MUC12: variants seen among roughly 807,000 people sequenced by gnomAD.
The protein encoded by MUC12 is mucin-12.
MUC12 carries 172 observed loss-of-function variants against 230.8 expected under a neutral mutation model. The ratio of observed to expected loss-of-function variants is 0.75; its 90% CI spans 0.66 to 0.85. The LOEUF is 0.85. Among genes scored for constraint, MUC12 ranks in the 40% least tolerant of loss-of-function variants. MUC12 has a pLI of 0.00. For synonymous variants in MUC12, 1,259 were observed against 2,401.9 expected (o/e 0.52, Z 13.91); for missense variants, 3,506 against 5,920.6 (o/e 0.59, Z 13.38).
At chr7:100,973,117 G>A (rs1792944493) in intron 1 of MUC12, 1 of 674,338 alleles carries the variant, frequency 1.5e-6, no homozygotes, top group Non-Finnish European at 2.7e-6. Flanking sequence ...TCTGTGGGCT[G>A]AGTAGGGCTG....
intron 9 of MUC12, 177 bp from the exon 10 acceptor site, chr7:101,015,438 G>A: frequency 1.6e-6 from 1 of 610,096 alleles, no homozygotes; most frequent in East Asian, 2.8e-5. Flanking sequence ...GCCAGTGCTT[G>A]CCTTGGTAGA....
chr7:100,972,757 C>G, intron 1 of MUC12: 1 of 658,474 alleles, frequency 1.5e-6, no homozygotes, highest in Non-Finnish European at 2.8e-6. Flanking sequence ...CTGCTCAGCT[C>G]GAACTCCCAA....
chr7:101,004,401 A>G lies in MUC12; in HGVS notation c.13838A>G (p.Gln4613Arg), dbSNP rs878959263. 1 of 1,493,912 alleles carries G rather than the reference A, an allele frequency of 6.7e-7. No individual in the cohort carries two copies. The highest frequency in any genetic ancestry group is 1.6e-5 in the African/African-American group (1 of 61,440). The allele number at this position is 1,493,912 out of a possible 1,614,324, so 92.5% of individuals were successfully genotyped here. Residue 4613 changes from glutamine (Q) to arginine (R), a missense_variant, in exon 2 of 12, where the codon CAA becomes CGA. Gln to Arg is a conservative substitution (Grantham distance 43). Transcript: ENST00000536621. ...TAYHSSPGST[Q>R]TMHFPESSTA... ...TACCACAGCAGCCCGGGCTCAACTC[A>G]AACAATGCACTTCCCTGAAAGCTCC...
intron 2 of MUC12, among the ~76,000 whole-genome samples, chr7:101,005,954 T>C (rs1430293218): frequency 6.6e-6 from 1 of 152,058 alleles, no homozygotes. Context: ...CCCACCACCA[T>C]GCCTACCTAA....
At chr7:101,007,472 T>C (rs1297511814) in intron 3 of MUC12, among the ~76,000 whole-genome samples, 5 of 152,204 alleles carry the variant, frequency 3.3e-5, no homozygotes, top group Non-Finnish European at 5.9e-5. Context: ...ATTTGGACTT[T>C]TAGATTCCAC....
At chr7:100,973,957 A>G (rs1792966671) in intron 1 of MUC12, among the ~76,000 whole-genome samples, 1 of 152,020 alleles carries the variant, frequency 6.6e-6, no homozygotes, top group Non-Finnish European at 1.5e-5. Context: ...GTTCGAGACC[A>G]GCTCGGGCAA....
chr7:100,994,105 T>G lies in MUC12; in HGVS notation c.3542T>G (p.Val1181Gly). Residue 1181 changes from valine (V) to glycine (G), a missense_variant, in exon 2 of 12, where the codon GTT becomes GGT. By Grantham distance (109) the Val-to-Gly change is moderately radical. Coordinates refer to ENST00000536621, the MANE Select transcript of MUC12 (RefSeq NM_001164462.2). ...TTCCCTCACAGCACCACAACCTCAG[T>G]TCATGGTGAAGAGCCTACAACCTTC... is the stretch of plus-strand genomic sequence containing the variant. ...TVFPHSTTTS[V>G]HGEEPTTFHS... 9.7e-7 allele frequency: 1 copy of G among 1,027,448 alleles called. No individual in the cohort carries two copies. Among genetic ancestry groups the G allele is most frequent in the South Asian group, 1.7e-5 (1 of 60,234 alleles). The allele number at this position is 1,027,448 out of a possible 1,614,324, so 63.6% of individuals were successfully genotyped here.
chr7:100,980,348 A>C (rs1436651659), intron 1 of MUC12, among the ~76,000 whole-genome samples: 5 of 152,118 alleles, frequency 3.3e-5, no homozygotes, highest in Non-Finnish European at 4.4e-5. Context: ...AGCCTGAAGA[A>C]ATACCCCCTT....
chr7:100,978,009 C>T (rs1793058127), intron 1 of MUC12, among the ~76,000 whole-genome samples: 1 of 152,154 alleles, frequency 6.6e-6, no homozygotes, highest in Non-Finnish European at 1.5e-5. Flanking sequence ...AGATTTAGGG[C>T]CCATCCTAAA....
chr7:100,969,670 C>T lies in MUC12; in HGVS notation c.48C>T (p.Ser16=), dbSNP rs531717229. Residue 16 remains serine, a synonymous_variant, in exon 1 of 12, where the codon TCC becomes TCT. Transcript: ENST00000536621. The part of the protein sequence containing the change: ...ILTLALRLCA[S]VTTVTPGSTV... ...CGCTGGCTCTCCGGCTCTGCGCGTC[C>T]GTTACTACAGTGACACCAGGTGAGT... The T allele has an allele frequency of 1.4e-4, 207 of 1,526,428 alleles. No homozygotes were observed. The African/African-American group carries it at 1.9e-3, about 14-fold the overall frequency. 94.6% of individuals were successfully genotyped at this position (1,526,428 alleles called of 1,614,324 possible). A position where few individuals can be genotyped will look rare whatever the true frequency, so the allele number is the denominator to read the frequency against.
intron 2 of MUC12, among the ~76,000 whole-genome samples, chr7:101,005,901 G>A (rs1434599557): frequency 2.0e-5 from 3 of 151,686 alleles, no homozygotes; most frequent in Admixed American, 6.6e-5. Context: ...GGGCTCAAGC[G>A]ATTCTCCTAC....
chr7:101,008,789 C>T (rs1259511713), intron 4 of MUC12, 28 bp downstream of exon 4: 4 of 1,528,818 alleles, frequency 2.6e-6, no homozygotes, highest in Non-Finnish European at 3.5e-6. Flanking sequence ...CCAGACACCC[C>T]AGGGTGATGT....
intron 4 of MUC12, 23 bp downstream of exon 4, chr7:101,008,784 C>A (rs760112968): frequency 3.3e-6 from 5 of 1,533,846 alleles, no homozygotes; most frequent in Non-Finnish European, 4.4e-6. Context: ...CACACCCAGA[C>A]ACCCCAGGGT....
At chr7:101,015,392 G>A (rs1413587767) in intron 9 of MUC12, 1 of 555,930 alleles carries the variant, frequency 1.8e-6, no homozygotes, top group Non-Finnish European at 3.2e-6. Flanking sequence ...GAAACTGAGG[G>A]CCACTAAAGG....
chr7:101,009,328 T>C (rs1166968694), intron 5 of MUC12, among the ~76,000 whole-genome samples, 169 bp downstream of exon 5: 1 of 152,168 alleles, frequency 6.6e-6, no homozygotes, highest in Non-Finnish European at 1.5e-5. Flanking sequence ...CTTCATTCAT[T>C]CATCCACTCA....
intron 1 of MUC12, among the ~76,000 whole-genome samples, chr7:100,971,245 C>T (rs1410417310): frequency 2.0e-5 from 3 of 152,276 alleles, no homozygotes; most frequent in Non-Finnish European, 2.9e-5. Flanking sequence ...GGTCCTTGCT[C>T]AGCCTGGTCG....
chr7:100,979,036 C>G (rs1793068674), intron 1 of MUC12, among the ~76,000 whole-genome samples: 1 of 152,124 alleles, frequency 6.6e-6, no homozygotes, highest in Admixed American at 6.5e-5. Flanking sequence ...TCTTGAACTC[C>G]TGGCCTCAAG....
chr7:100,991,764 C>T lies in MUC12; in HGVS notation c.1201C>T (p.Pro401Ser), dbSNP rs1342594408. ...CACAACACACACAAAATCTTCAACT[C>T]CTAGCACCACAGCTGCCCTAGCACA... Reference protein sequence around the residue: ...GSTTHTKSSTPSTTAALAHTS... With the variant: ...GSTTHTKSSTSSTTAALAHTS... The change falls in exon 2 of 12, where the codon CCT (proline) becomes TCT (serine). Residue 401 changes from proline (P) to serine (S), a missense_variant. By Grantham distance (74) the Pro-to-Ser change is moderately conservative. Transcript: ENST00000536621. 1 of 1,537,962 alleles carries T rather than the reference C, an allele frequency of 6.5e-7. No homozygotes were observed.
Position 100,990,997 on chromosome 7 carries a change from G to C in MUC12, c.434G>C (p.Arg145Thr), listed in dbSNP as rs1250089083. The stretch of plus-strand genomic sequence containing the variant: ...TCTACCACCTTCTACAGTAGCCCCA[G>C]ATCACCAGACAGAACACTCTCACCT... ...EKSTTFYSSP[R>T]SPDRTLSPAR... Residue 145 changes from arginine (R) to threonine (T), a missense_variant, in exon 2 of 12, where the codon AGA becomes ACA. Arg to Thr is a moderately conservative substitution (Grantham distance 71). Transcript: ENST00000536621. 2.0e-6 allele frequency: 3 copies of C among 1,537,736 alleles called. No individual in the cohort carries two copies. The African/African-American group carries it at 4.1e-5, about 21-fold the overall frequency.
Sources: gnomAD v4.1 joint callset for allele counts (sites outside exome capture counted in the v4.1 genomes callset) on GRCh38, gnomAD v4.1.1 for gene constraint, MANE v1.5 for transcripts, NCBI Gene and HGNC (gene_info 2026-07-23, HGNC 2026-07-21) for gene names.